TACC1: variants seen among roughly 807,000 people sequenced by gnomAD.
TACC1 encodes the protein transforming acidic coiled-coil-containing protein 1.
Under a neutral mutation model 84.4 loss-of-function variants are expected in TACC1, and 48 were observed. The observed-to-expected ratio is 0.57, with a 90% CI of 0.45 to 0.72. The LOEUF (loss-of-function observed/expected upper bound fraction) is 0.72. Ranked by LOEUF, TACC1 falls within the 30% of genes least tolerant of loss-of-function variation. The pLI is 0.00. For synonymous variants in TACC1, 372 were observed against 376.3 expected (o/e 0.99, Z 0.13); for missense variants, 920 against 973.0 (o/e 0.95, Z 0.72).
intron 6 of TACC1, among the ~76,000 whole-genome samples, chr8:38,833,802 G>A (rs79721111): frequency 0.017 from 2,518 of 152,298 alleles, 34 homozygotes; most frequent in Non-Finnish European, 0.027. Flanking sequence ...AGCACTGAGA[G>A]TCTGTTTCCT....
At chr8:38,760,461 T>A (rs754951438) in intron 3 of TACC1, among the ~76,000 whole-genome samples, 46 of 152,200 alleles carry the variant, frequency 3.0e-4, no homozygotes, top group Non-Finnish European at 1.2e-4. Flanking sequence ...TTAGGAAACA[T>A]TGGAAATACA....
chr8:38,851,497 G>A lies in TACC1; in HGVS notation c.*3474G>A, dbSNP rs1833080764. On this transcript the variant is annotated 3_prime_UTR_variant, in exon 13 of 13. Coordinates refer to ENST00000317827, the MANE Select transcript of TACC1 (RefSeq NM_006283.3). ...CTCAAAAGGGTTTTTTTAAGAGCAAGCATTGGTTAAGTCTGTGTATACTGA... is the reference window on the plus strand; with the variant it reads ...CTCAAAAGGGTTTTTTTAAGAGCAAACATTGGTTAAGTCTGTGTATACTGA... The A allele has an allele frequency of 6.4e-6, 1 of 155,984 alleles. No individual in the cohort carries two copies. Among genetic ancestry groups the A allele is most frequent in the Non-Finnish European group, 1.4e-5 (1 of 70,296 alleles). The allele number at this position is 155,984 out of a possible 1,614,324, so 9.7% of individuals were successfully genotyped here.
intron 2 of TACC1, among the ~76,000 whole-genome samples, chr8:38,790,219 A>G (rs964266903): frequency 2.6e-5 from 4 of 152,078 alleles, no homozygotes; most frequent in African/African-American, 7.2e-5. Flanking sequence ...TCTTCTCCCT[A>G]TGTATCTGTC....
At chr8:38,755,159 CAAAAAAAAAA>C (rs35992046) in intron 3 of TACC1, among the ~76,000 whole-genome samples, 1 of 72,350 alleles carries the variant, frequency 1.4e-5, no homozygotes, top group Non-Finnish European at 2.7e-5. Context: ...GACTCCATCT[CAAAAAAAAAA>C]AAAAAAAAAA....
chr8:38,848,562 C>CT lies in TACC1; in HGVS notation c.*540dup, dbSNP rs1832704249. The CT allele has an allele frequency of 6.6e-6, 1 of 152,646 alleles. No individual in the cohort carries two copies. Among genetic ancestry groups the CT allele is most frequent in the Non-Finnish European group, 1.5e-5 (1 of 68,068 alleles). The allele number at this position is 152,646 out of a possible 1,614,324, so 9.5% of individuals were successfully genotyped here. A position where few individuals can be genotyped will look rare whatever the true frequency, so the allele number is the denominator to read the frequency against. Reference sequence around the variant, plus strand: ...ACACATACATGTATGTTTATAGATGCTGCTGCTCTTTTCCCTGAAGCATAG... The same window carrying CT: ...ACACATACATGTATGTTTATAGATGCTTGCTGCTCTTTTCCCTGAAGCATAG... On this transcript the variant is annotated 3_prime_UTR_variant, in exon 13 of 13. Transcript: ENST00000317827.
chr8:38,841,203 C>A (rs996318695), intron 9 of TACC1, among the ~76,000 whole-genome samples: 6 of 152,126 alleles, frequency 3.9e-5, no homozygotes, highest in African/African-American at 1.4e-4. Context: ...ATAGTTGATT[C>A]ATTAACATTG....
chr8:38,784,888 T>C (rs1816818880), upstream of TACC1, among the ~76,000 whole-genome samples: 1 of 152,232 alleles, frequency 6.6e-6, no homozygotes, highest in African/African-American at 2.4e-5. Flanking sequence ...TATGGTGTGC[T>C]AAGTGTAGAA....
chr8:38,803,099 A>C (rs1821801124), intron 2 of TACC1, among the ~76,000 whole-genome samples: 1 of 152,238 alleles, frequency 6.6e-6, no homozygotes, highest in Non-Finnish European at 1.5e-5. Context: ...GCAAGTGTGT[A>C]GAAATACAAT....
chr8:38,846,521 T>G (rs926299290), intron 11 of TACC1, 178 bp from the exon 12 acceptor site: 9 of 634,302 alleles, frequency 1.4e-5, no homozygotes, highest in Non-Finnish European at 2.2e-5. Context: ...GTAAATTGAA[T>G]TTTTATAAAT....
chr8:38,821,267 C>A (rs1826743575), intron 3 of TACC1, among the ~76,000 whole-genome samples: 1 of 151,984 alleles, frequency 6.6e-6, no homozygotes, highest in African/African-American at 2.4e-5. Flanking sequence ...GAAATCCTGG[C>A]TGGACTGTTA....
rs558017648 is a variant in TACC1, at chr8:38,817,916, C to T, written c.278-1606C>T. Among the ~76,000 whole-genome samples, 932 of 97,358 alleles carry T rather than the reference C, an allele frequency of 9.6e-3. 8 individuals carry two copies. Among genetic ancestry groups the T allele is most frequent in the African/African-American group, 0.036 (867 of 23,810 alleles). 63.9% of individuals were successfully genotyped at this position (97,358 alleles called of 152,430 possible). On this transcript the variant is annotated intron_variant, in intron 2 of 12. Transcript: ENST00000317827. ...CAGCCTGGGCAACAGAGTGAGAGAC[C>T]CCTAAAAAAAAAAAAAAAAAAAAAA... is the stretch of plus-strand genomic sequence containing the variant.
At chr8:38,755,492 T>C (rs1320486949) in intron 3 of TACC1, among the ~76,000 whole-genome samples, 3 of 151,008 alleles carry the variant, frequency 2.0e-5, no homozygotes, top group Non-Finnish European at 4.4e-5. Flanking sequence ...CACTTGAGGC[T>C]AGGAGTTTGA....
chr8:38,823,657 T>A (rs1346101010), intron 3 of TACC1, among the ~76,000 whole-genome samples: 1 of 152,228 alleles, frequency 6.6e-6, no homozygotes, highest in Non-Finnish European at 1.5e-5. Context: ...GGGCTTTTTT[T>A]AAGGCCTTAT....
At position 38,787,642 on chromosome 8, in the gene TACC1, TG is replaced by T; in HGVS notation, c.61del (p.Ala21ArgfsTer31). ...TGCAGTGGGCGAAATGGACGTGGTC[TG>T]CGGTACGCGGCGGGGCCGCCGGCGA... ...PVQWAKWTWS[A>X]VRGGAAGEDE... On this transcript the variant is annotated frameshift_variant, in exon 1 of 13. Transcript: ENST00000317827. LOFTEE classifies it high-confidence loss of function. 1 of 1,550,910 alleles carries T rather than the reference TG, an allele frequency of 6.4e-7. No individual in the cohort carries two copies. The highest frequency in any genetic ancestry group is 8.7e-7 in the Non-Finnish European group (1 of 1,148,036).
At chr8:38,825,589 A>G (rs1473402428) in intron 4 of TACC1, among the ~76,000 whole-genome samples, 1 of 151,376 alleles carries the variant, frequency 6.6e-6, no homozygotes, top group Middle Eastern at 3.4e-3. Context: ...TAAAATTCCC[A>G]CTTTAAATGC....
chr8:38,731,752 C>CA (rs1465780904), intron 1 of TACC1, among the ~76,000 whole-genome samples: 2 of 151,734 alleles, frequency 1.3e-5, no homozygotes, highest in Non-Finnish European at 2.9e-5. Flanking sequence ...ACAACAACAA[C>CA]AACAACAACA....
intron 2 of TACC1, among the ~76,000 whole-genome samples, chr8:38,792,164 A>G (rs998516072): frequency 2.0e-5 from 3 of 152,212 alleles, no homozygotes; most frequent in Non-Finnish European, 2.9e-5. Flanking sequence ...TGTATTTGCT[A>G]TCTGTCTGTT....
chr8:38,754,652 G>C (rs1329311386), intron 3 of TACC1, among the ~76,000 whole-genome samples: 1 of 152,182 alleles, frequency 6.6e-6, no homozygotes, highest in East Asian at 1.9e-4. Flanking sequence ...TCTCTTAAAA[G>C]AAAATTATCT....
At position 38,819,664 on chromosome 8, in the gene TACC1, A is replaced by G. The variant is rs1826210953; in HGVS notation, c.420A>G (p.Glu140=). 11 of 1,614,256 alleles carry G rather than the reference A, an allele frequency of 6.8e-6. No homozygotes were observed. The highest frequency in any genetic ancestry group is 9.3e-6 in the Non-Finnish European group (11 of 1,180,050). The change falls in exon 3 of 13, where the codon GAA becomes GAG. Residue 140 remains glutamate, a synonymous_variant. Coordinates refer to ENST00000317827, the MANE Select transcript of TACC1 (RefSeq NM_006283.3). ...HSVKNFREEP[E]HDFSKISIVR... ...TCAAGAATTTCAGAGAAGAACCTGA[A>G]CATGATTTTAGCAAAATTTCCATCG... is the stretch of plus-strand genomic sequence containing the variant.
Sources: gnomAD v4.1 joint callset for allele counts (sites outside exome capture counted in the v4.1 genomes callset) on GRCh38, gnomAD v4.1.1 for gene constraint, MANE v1.5 for transcripts, NCBI Gene and HGNC (gene_info 2026-07-23, HGNC 2026-07-21) for gene names.